LAMA3: variants seen among roughly 807,000 people sequenced by gnomAD.
LAMA3 encodes laminin subunit alpha 3.
Under a neutral mutation model 402.0 loss-of-function variants are expected in LAMA3, and 281 were observed. The ratio of observed to expected loss-of-function variants is 0.70; its 90% CI spans 0.63 to 0.77. LAMA3 has a LOEUF of 0.77. Among genes scored for constraint, LAMA3 ranks in the 30% least tolerant of loss-of-function variants. LAMA3 has a pLI of 0.00. For missense variants in LAMA3, 3,840 were observed against 4,215.5 expected (o/e 0.91, Z 2.47); for synonymous variants, 1,431 against 1,558.4 (o/e 0.92, Z 1.93).
At chr18:23,833,800 CA>C (rs1263790629) in intron 23 of LAMA3, 27 bp from the exon 24 acceptor site, 7 of 1,612,190 alleles carry the variant, frequency 4.3e-6, no homozygotes, top group Middle Eastern at 2.2e-4. Flanking sequence ...AGCTGGATCA[CA>C]GTCTGTCTGC....
At chr18:23,847,787 T>G in intron 32 of LAMA3, 119 bp downstream of exon 32, 1 of 1,006,616 alleles carries the variant, frequency 9.9e-7, no homozygotes, top group Non-Finnish European at 1.5e-6. Context: ...TGTGTTGACC[T>G]CGGCATGAGC....
intron 2 of LAMA3, among the ~76,000 whole-genome samples, chr18:23,734,537 T>C (rs2061442357): frequency 6.6e-6 from 1 of 152,048 alleles, no homozygotes; most frequent in African/African-American, 2.4e-5. Flanking sequence ...TCTAACGGAG[T>C]GTGCCTCTAA....
chr18:23,933,846 G>A lies in LAMA3; in HGVS notation c.8773G>A (p.Gly2925Arg), dbSNP rs112986465. 96 of 1,614,002 alleles carry A rather than the reference G, an allele frequency of 5.9e-5. No individual in the cohort carries two copies. The African/African-American group carries it at 9.9e-4, about 17-fold the overall frequency. Reference sequence around the variant, plus strand: ...CTCTCTCAAGAGAGATGTGTCCCTGGGAGGCTGCAGTTTAAACAAACCACC... The same window carrying A: ...CTCTCTCAAGAGAGATGTGTCCCTGAGAGGCTGCAGTTTAAACAAACCACC... ...SNSLKRDVSLGGCSLNKPPFL... is the reference protein window; with the variant it reads ...SNSLKRDVSLRGCSLNKPPFL... Residue 2925 changes from glycine to arginine, a missense_variant, in exon 67 of 75, where the codon GGA becomes AGA. By Grantham distance (125) the Gly-to-Arg change is moderately radical. Around this residue, in one of 3 missense-constraint regions of LAMA3, gnomAD observed 840 missense variants for 981.9 expected, o/e 0.86. Transcript: ENST00000313654.
chr18:23,771,572 A>G (rs1381943156), intron 8 of LAMA3, among the ~76,000 whole-genome samples: 3 of 152,240 alleles, frequency 2.0e-5, no homozygotes, highest in Admixed American at 6.5e-5. Context: ...TGTAAATTTT[A>G]TAACAGAAGA....
At chr18:23,854,118 C>A (rs1427545717) in intron 32 of LAMA3, among the ~76,000 whole-genome samples, 2 of 152,222 alleles carry the variant, frequency 1.3e-5, no homozygotes, top group Non-Finnish European at 2.9e-5. Flanking sequence ...TGCTTTAGTG[C>A]TCTCAGCTGC....
chr18:23,854,104 C>T (rs965254821), intron 32 of LAMA3, among the ~76,000 whole-genome samples: 2 of 152,222 alleles, frequency 1.3e-5, no homozygotes, highest in Non-Finnish European at 2.9e-5. Context: ...GCTTTTTTCC[C>T]ATCTGCTTTA....
intron 58 of LAMA3, 126 bp from the exon 59 acceptor site, chr18:23,915,163 C>A: frequency 9.0e-7 from 1 of 1,107,740 alleles, no homozygotes; most frequent in Non-Finnish European, 1.3e-6. Context: ...GCCAGGGCAT[C>A]TTGTTCCAGG....
intron 42 of LAMA3, among the ~76,000 whole-genome samples, chr18:23,892,837 A>G (rs2080726517): frequency 7.0e-6 from 1 of 143,194 alleles, no homozygotes; most frequent in Admixed American, 7.3e-5. Flanking sequence ...CAGGAGGCAG[A>G]GGTTGCAGTG....
intron 1 of LAMA3, among the ~76,000 whole-genome samples, chr18:23,698,744 T>C (rs889121066): frequency 3.3e-5 from 5 of 152,212 alleles, no homozygotes; most frequent in Admixed American, 2.0e-4. Context: ...CTTCTATATT[T>C]AGCAAATATT....
chr18:23,785,304 G>C (rs991272100), intron 12 of LAMA3, among the ~76,000 whole-genome samples: 1 of 152,022 alleles, frequency 6.6e-6, no homozygotes, highest in Non-Finnish European at 1.5e-5. Context: ...CTGAACACTG[G>C]AGGATATTAG....
intron 59 of LAMA3, among the ~76,000 whole-genome samples, chr18:23,916,005 C>CAAAAAAAAAAAAAAA (rs1408575781): frequency 4.8e-5 from 2 of 41,946 alleles, no homozygotes; most frequent in African/African-American, 1.4e-4. Flanking sequence ...GACTCCATCT[C>CAAAAAAAAAAAAAAA]CAAAAAAAAA....
At chr18:23,787,866 A>G (rs1298187348) in intron 12 of LAMA3, among the ~76,000 whole-genome samples, 2 of 152,184 alleles carry the variant, frequency 1.3e-5, no homozygotes, top group Non-Finnish European at 1.5e-5. Flanking sequence ...ATCAAATAAT[A>G]ATTTGAATAA....
chr18:23,938,089 C>G (rs1204715177), intron 67 of LAMA3, among the ~76,000 whole-genome samples: 1 of 152,148 alleles, frequency 6.6e-6, no homozygotes, highest in African/African-American at 2.4e-5. Context: ...ATCCTGGGTG[C>G]TTCTGGGAAT....
At chr18:23,952,550 C>T (rs2082952460) in intron 73 of LAMA3, among the ~76,000 whole-genome samples, 1 of 152,178 alleles carries the variant, frequency 6.6e-6, no homozygotes, top group Non-Finnish European at 1.5e-5. Flanking sequence ...AGATCATTAA[C>T]ATGAGAGGAA....
At chr18:23,933,626 A>G (rs560312123) in intron 66 of LAMA3, among the ~76,000 whole-genome samples, 156 bp from the exon 67 acceptor site, 1 of 152,300 alleles carries the variant, frequency 6.6e-6, no homozygotes, top group East Asian at 1.9e-4. Flanking sequence ...CAAACACTAG[A>G]TCATATTCCT....
intron 69 of LAMA3, among the ~76,000 whole-genome samples, chr18:23,945,444 G>A (rs1375288947): frequency 1.3e-5 from 2 of 152,234 alleles, no homozygotes; most frequent in Non-Finnish European, 2.9e-5. Flanking sequence ...TGAAGATGGA[G>A]AAGAGGCAGA....
Position 23,758,386 on chromosome 18 carries a change from A to G in LAMA3, c.948-10A>G, listed in dbSNP as rs1045950631. ...TCAATAACTGAGATGCACTTCGCCC[A>G]CATGCCCAGGTTTCGGTGTGAATGC... On this transcript the variant is annotated splice_polypyrimidine_tract_variant and intron_variant, in intron 6 of 74. Coordinates refer to ENST00000313654, the MANE Select transcript of LAMA3 (RefSeq NM_198129.4). 3.7e-6 allele frequency: 6 copies of G among 1,609,814 alleles called. No individual in the cohort carries two copies. Among genetic ancestry groups the G allele is most frequent in the South Asian group, 3.3e-5 (3 of 90,652 alleles).
intron 2 of LAMA3, among the ~76,000 whole-genome samples, chr18:23,714,849 C>T (rs1294767455): frequency 5.9e-5 from 9 of 152,136 alleles, no homozygotes. Context: ...TCCTGCCGCT[C>T]GCAGCCAACA....
In LAMA3 at chr18:23,775,966, A is replaced by G. The variant is rs771504143; in HGVS notation, c.1405+43A>G. The G allele has an allele frequency of 3.1e-6, 5 of 1,613,054 alleles. 1 individual carries two copies. The East Asian group carries it at 6.7e-5, about 22-fold the overall frequency. On this transcript the variant is annotated intron_variant, in intron 10 of 74. Transcript: ENST00000313654. ...AACAAGAGGCCACCCTTTTTGGTCCATAGCTGGCTTTTGTGCACTAACCTC... is the reference window on the plus strand; with the variant it reads ...AACAAGAGGCCACCCTTTTTGGTCCGTAGCTGGCTTTTGTGCACTAACCTC...
Sources: gnomAD v4.1 joint callset for allele counts (sites outside exome capture counted in the v4.1 genomes callset) on GRCh38, gnomAD v4.1.1 for gene constraint, gnomAD v4.1.1 regional missense constraint, MANE v1.5 for transcripts, NCBI Gene and HGNC (gene_info 2026-07-23, HGNC 2026-07-21) for gene names.